The following TIGIT variants were observed in gnomAD, a reference collection of about 807,000 sequenced individuals.
TIGIT encodes the protein T-cell immunoreceptor with Ig and ITIM domains.
A neutral mutation model predicts 19.6 loss-of-function variants in TIGIT; 11 were observed. The observed-to-expected ratio is 0.56, with a 90% CI of 0.35 to 0.93. The LOEUF is 0.93. Among genes scored for constraint, TIGIT ranks in the 40% least tolerant of loss-of-function variants. The pLI is 0.01. For missense variants in TIGIT, 295 were observed against 303.9 expected (o/e 0.97, Z 0.22); for synonymous variants, 130 against 125.5 (o/e 1.04, Z -0.24).
chr3:114,308,951 C>T lies in TIGIT; in HGVS notation c.*820C>T, dbSNP rs1158281791. 6.6e-6 allele frequency: 1 copy of T among 152,206 alleles called. No homozygotes were observed. The highest frequency in any genetic ancestry group is 2.4e-5 in the African/African-American group (1 of 41,446). The allele number at this position is 152,206 out of a possible 1,614,324, so 9.4% of individuals were successfully genotyped here. The stretch of plus-strand genomic sequence containing the variant: ...TCTCTGGGCAGGCATTTCAAGTTTC[C>T]TTTTGCTGTGACATACTCATCCATT... On this transcript the variant is annotated 3_prime_UTR_variant, in exon 4 of 4. Transcript: ENST00000383671.
chr3:114,299,615 G>C lies in TIGIT; in HGVS notation c.410G>C (p.Arg137Thr). The change falls in exon 3 of 4, where the codon AGG (arginine) becomes ACG (threonine). Residue 137 changes from arginine to threonine, a missense_variant. Arg to Thr is a moderately conservative substitution (Grantham distance 71). Coordinates refer to ENST00000383671, the MANE Select transcript of TIGIT (RefSeq NM_173799.4). Reference sequence around the variant, plus strand: ...CCTCTAGTGGCTGAGCACGGTGCCAGGTTCCAGATTCCATTGCTTGGAGCC... The same window carrying C: ...CCTCTAGTGGCTGAGCACGGTGCCACGTTCCAGATTCCATTGCTTGGAGCC... ...LESSVAEHGA[R>T]FQIPLLGAMA... The C allele has an allele frequency of 6.2e-7, 1 of 1,613,388 alleles. No homozygotes were observed. Among genetic ancestry groups the C allele is most frequent in the Non-Finnish European group, 8.5e-7 (1 of 1,179,894 alleles).
At chr3:114,295,251 A>G (rs1056799562) in intron 1 of TIGIT, among the ~76,000 whole-genome samples, 2 of 151,854 alleles carry the variant, frequency 1.3e-5, no homozygotes, top group Non-Finnish European at 2.9e-5. Flanking sequence ...GTGGGTGGGG[A>G]GGAGATGGGC....
At chr3:114,295,941 C>G (rs530375213) in intron 2 of TIGIT, 67 bp downstream of exon 2, 2 of 1,270,938 alleles carry the variant, frequency 1.6e-6, no homozygotes, top group Non-Finnish European at 2.2e-6. Flanking sequence ...AATCCTGAAA[C>G]ACTGCACAGC....
intron 3 of TIGIT, among the ~76,000 whole-genome samples, chr3:114,303,562 T>TAC (rs1553776835): frequency 3.9e-3 from 23 of 5,954 alleles, no homozygotes; most frequent in African/African-American, 6.5e-3. Flanking sequence ...TATATATATA[T>TAC]ACATATATAT....
intron 3 of TIGIT, among the ~76,000 whole-genome samples, chr3:114,303,551 G>GTATATATATATACATATATATGTA (rs1560033541): frequency 3.0e-3 from 17 of 5,716 alleles, no homozygotes; most frequent in African/African-American, 5.2e-3. Flanking sequence ...ACATATATAT[G>GTATATATATATACATATATATGTA]TATATATATA....
intron 2 of TIGIT, among the ~76,000 whole-genome samples, chr3:114,296,915 A>C (rs1303576320): frequency 2.4e-5 from 3 of 125,436 alleles, no homozygotes; most frequent in Non-Finnish European, 3.2e-5. Context: ...TTTTTTTGAG[A>C]CGGAGTTTCG....
At chr3:114,306,767 T>C (rs924047958) in intron 3 of TIGIT, among the ~76,000 whole-genome samples, 24 of 111,980 alleles carry the variant, frequency 2.1e-4, no homozygotes, top group African/African-American at 6.6e-4. Context: ...ATGAGGAATG[T>C]AGTGAAATTA....
chr3:114,298,324 G>T (rs1325687912), intron 2 of TIGIT, among the ~76,000 whole-genome samples: 2 of 152,056 alleles, frequency 1.3e-5, no homozygotes, highest in Admixed American at 6.5e-5. Context: ...GTTCCACTCT[G>T]GTCCCAATTG....
At chr3:114,295,405 A>G (rs2078446656) in intron 1 of TIGIT, 140 bp from the exon 2 acceptor site, 1 of 696,012 alleles carries the variant, frequency 1.4e-6, no homozygotes, top group Non-Finnish European at 2.6e-6. Context: ...TACAGCCTCT[A>G]TGGAGGAGCA....
In TIGIT at chr3:114,299,352, A is replaced by T. The variant is rs2078474665; in HGVS notation, c.392-245A>T. Among the ~76,000 whole-genome samples, 3 of 152,262 alleles carry T rather than the reference A, an allele frequency of 2.0e-5. No individual in the cohort carries two copies. In the South Asian group the frequency reaches 6.2e-4, roughly 31 times the overall value. On this transcript the variant is annotated intron_variant, in intron 2 of 3. Transcript: ENST00000383671. ...TTGTCAAATAGAAGAAACGAATGTT[A>T]AAATGACCTGCTCTGGTATCAAATA...
intron 3 of TIGIT, among the ~76,000 whole-genome samples, chr3:114,304,128 T>C (rs749832452): frequency 6.6e-6 from 1 of 152,090 alleles, no homozygotes; most frequent in South Asian, 2.1e-4. Flanking sequence ...TTTGTTTGAG[T>C]TCCTTGTAGA....
intron 3 of TIGIT, among the ~76,000 whole-genome samples, chr3:114,304,176 A>T (rs976950104): frequency 2.6e-5 from 4 of 152,030 alleles, no homozygotes; most frequent in Non-Finnish European, 4.4e-5. Flanking sequence ...TATAATTTAC[A>T]AATATTTTCT....
At chr3:114,305,091 AT>A (rs2078521965) in intron 3 of TIGIT, among the ~76,000 whole-genome samples, 1 of 152,220 alleles carries the variant, frequency 6.6e-6, no homozygotes, top group Admixed American at 6.5e-5. Context: ...ACTTCAGTCC[AT>A]CGGTGCAATT....
chr3:114,307,634 G>T, intron 3 of TIGIT: 1 of 467,950 alleles, frequency 2.1e-6, no homozygotes. Context: ...ATGGAAAGCT[G>T]CCTCACTAAG....
chr3:114,299,956 G>C (rs2078482049), intron 3 of TIGIT, among the ~76,000 whole-genome samples: 1 of 152,068 alleles, frequency 6.6e-6, no homozygotes, highest in Non-Finnish European at 1.5e-5. Context: ...GTAACTCCTG[G>C]TTTCTGCTTA....
At chr3:114,295,944 T>C (rs886916469) in intron 2 of TIGIT, 70 bp downstream of exon 2, 4 of 1,253,282 alleles carry the variant, frequency 3.2e-6, no homozygotes, top group East Asian at 2.3e-5. Flanking sequence ...CCTGAAACAC[T>C]GCACAGCAGG....
chr3:114,295,877 A>G lies in TIGIT; in HGVS notation c.391+3A>G, dbSNP rs768630832. ...CCTGGAGGTCCTAGAAAGCTCAGGT[A>G]TTCCTGCTGGAGCAAGTTGGTGGAT... On this transcript the variant is annotated splice_donor_region_variant and intron_variant, in intron 2 of 3. Transcript: ENST00000383671. The G allele has an allele frequency of 5.0e-6, 8 of 1,589,982 alleles. No individual in the cohort carries two copies. Among genetic ancestry groups the G allele is most frequent in the Non-Finnish European group, 6.9e-6 (8 of 1,163,816 alleles).
intron 1 of TIGIT, chr3:114,294,932 A>C (rs1352923453): frequency 6.5e-6 from 1 of 153,076 alleles, no homozygotes; most frequent in Non-Finnish European, 1.5e-5. Context: ...TAAAAACAGA[A>C]GAGGTGGTAT....
intron 3 of TIGIT, among the ~76,000 whole-genome samples, chr3:114,300,355 G>T (rs1411231109): frequency 2.0e-5 from 3 of 151,006 alleles, no homozygotes; most frequent in Non-Finnish European, 2.9e-5. Context: ...GTGGGCAACA[G>T]AGCAAGACTC....
Sources: allele counts gnomAD v4.1 joint callset (sites outside exome capture counted in the v4.1 genomes callset), GRCh38; gene constraint gnomAD v4.1.1; transcripts MANE v1.5; gene names NCBI Gene and HGNC (gene_info 2026-07-23, HGNC 2026-07-21).